The following ATAD2B variants were observed in gnomAD, a reference collection of about 807,000 sequenced individuals.
ATAD2B encodes the protein ATPase family AAA domain-containing protein 2B.
A neutral mutation model predicts 167.6 loss-of-function variants in ATAD2B; 40 were observed. That is an observed-to-expected ratio of 0.24 (90% CI 0.19 to 0.31). ATAD2B has a LOEUF of 0.31. Ranked by LOEUF, ATAD2B falls within the 10% of genes least tolerant of loss-of-function variation. The pLI, the probability that ATAD2B is intolerant of heterozygous loss-of-function variation, is 1.00. For synonymous variants in ATAD2B, 579 were observed against 596.5 expected, an observed-to-expected ratio of 0.97 and a Z score of 0.43; for missense variants, 1,242 against 1,757.2, an observed-to-expected ratio of 0.71 and a Z score of 5.24.
chr2:23,809,468 T>TTAGATAATTTCAGTTAG (rs1430426285), intron 18 of ATAD2B, among the ~76,000 whole-genome samples: 1 of 152,096 alleles, frequency 6.6e-6, no homozygotes, highest in African/African-American at 2.4e-5. Context: ...ATAATTACAG[T>TTAGATAATTTCAGTTAG]ATATGTGTTA....
Position 23,927,061 on chromosome 2 carries a change from T to G in ATAD2B, c.-291A>C. The stretch of plus-strand genomic sequence containing the variant: ...GAGCGGAGCCGCCATTTCTACCCCT[T>G]TCTCTCCCGTTCTCGCTCTCGAGCT... On this transcript the variant is annotated 5_prime_UTR_variant, in exon 1 of 28. Coordinates refer to ENST00000238789, the MANE Select transcript of ATAD2B (RefSeq NM_017552.4). 2.7e-6 allele frequency: 1 copy of G among 374,280 alleles called. No individual in the cohort carries two copies. The highest frequency in any genetic ancestry group is 4.7e-5 in the East Asian group (1 of 21,394). The allele number at this position is 374,280 out of a possible 1,614,324, so 23.2% of individuals were successfully genotyped here.
rs1675317675 is a variant in ATAD2B at position 23,751,217 on chromosome 2, T to C, written c.*829A>G. The C allele has an allele frequency of 1.3e-5, 2 of 152,102 alleles. No homozygotes were observed. Among genetic ancestry groups the C allele is most frequent in the African/African-American group, 2.4e-5 (1 of 41,442 alleles). The allele number at this position is 152,102 out of a possible 1,614,324, so 9.4% of individuals were successfully genotyped here. On this transcript the variant is annotated 3_prime_UTR_variant, in exon 28 of 28. Coordinates refer to ENST00000238789, the MANE Select transcript of ATAD2B (RefSeq NM_017552.4). ...TTTTTTGTGTGTGGACTGTGTATTA[T>C]TCTTTGTTGTTATTCATGTTTCTTA...
chr2:23,899,006 G>T (rs1291592847), intron 1 of ATAD2B, among the ~76,000 whole-genome samples: 1 of 152,126 alleles, frequency 6.6e-6, no homozygotes, highest in Non-Finnish European at 1.5e-5. Context: ...AAATTAGCCA[G>T]GCATGGTGGC....
At chr2:23,925,736 C>T (rs1490777135) in intron 1 of ATAD2B, among the ~76,000 whole-genome samples, 1 of 152,194 alleles carries the variant, frequency 6.6e-6, no homozygotes, top group Non-Finnish European at 1.5e-5. Flanking sequence ...CTTTAAATGT[C>T]ATTTTTGCAA....
chr2:23,782,631 A>G (rs949626862), intron 22 of ATAD2B, among the ~76,000 whole-genome samples: 1 of 152,248 alleles, frequency 6.6e-6, no homozygotes, highest in Non-Finnish European at 1.5e-5. Context: ...TACAATGTAA[A>G]TATAAAAAGT....
the ATAD2B span, chr2:23,696,971 G>A: frequency 6.5e-6 from 1 of 153,102 alleles, no homozygotes; most frequent in South Asian, 1.9e-4. This position sits in a 1 kb window ranked among gnomAD's most constrained non-coding sequence, Gnocchi z 5.5. Flanking sequence ...CTGCCAAGCG[G>A]GGGGTCCCAC....
intron 22 of ATAD2B, among the ~76,000 whole-genome samples, chr2:23,768,354 C>A (rs926918944): frequency 6.6e-6 from 1 of 151,870 alleles, no homozygotes; most frequent in Middle Eastern, 3.4e-3. Flanking sequence ...GGCAACATGG[C>A]GAGCCACCGT....
At chr2:23,708,829 T>A in the ATAD2B span, among the ~76,000 whole-genome samples, 42 of 152,322 alleles carry the variant, frequency 2.8e-4, no homozygotes, top group African/African-American at 1.0e-3. Context: ...ACGCTGGCAC[T>A]GGCTCTGAGG....
At chr2:23,842,068 A>C (rs1343279473) in intron 13 of ATAD2B, among the ~76,000 whole-genome samples, 1 of 152,162 alleles carries the variant, frequency 6.6e-6, no homozygotes, top group Non-Finnish European at 1.5e-5. Flanking sequence ...CAATCTGACA[A>C]TCTTTGTCTT....
intron 22 of ATAD2B, among the ~76,000 whole-genome samples, chr2:23,776,810 T>C (rs1265957561): frequency 1.3e-5 from 2 of 152,238 alleles, no homozygotes; most frequent in African/African-American, 2.4e-5. Context: ...TTTGTTATTA[T>C]AATCACCAAT....
chr2:23,702,857 T>G, the ATAD2B span, among the ~76,000 whole-genome samples: 1 of 152,248 alleles, frequency 6.6e-6, no homozygotes, highest in Non-Finnish European at 1.5e-5. Flanking sequence ...CAGTCCAGCA[T>G]TGCGGAATGC....
At chr2:23,701,364 C>T in the ATAD2B span, among the ~76,000 whole-genome samples, 2 of 152,226 alleles carry the variant, frequency 1.3e-5, no homozygotes, top group African/African-American at 4.8e-5. Context: ...CTCCATCCTG[C>T]AGACACAGTG....
At chr2:23,685,056 A>G in the ATAD2B span, among the ~76,000 whole-genome samples, 1 of 152,086 alleles carries the variant, frequency 6.6e-6, no homozygotes, top group African/African-American at 2.4e-5. Flanking sequence ...AGTAGGGGAG[A>G]AGAGACTTGT....
chr2:23,753,094 T>C (rs1051592624), intron 27 of ATAD2B, among the ~76,000 whole-genome samples: 1 of 152,200 alleles, frequency 6.6e-6, no homozygotes, highest in African/African-American at 2.4e-5. Context: ...ACTTGCATTT[T>C]TTCCTTCCCT....
At chr2:23,911,854 A>T (rs1052547264) in intron 1 of ATAD2B, among the ~76,000 whole-genome samples, 10 of 152,006 alleles carry the variant, frequency 6.6e-5, no homozygotes, top group African/African-American at 2.2e-4. Context: ...GCATGCCTGT[A>T]ACCCCAGCTA....
chr2:23,842,633 A>G (rs1289183324), intron 13 of ATAD2B, among the ~76,000 whole-genome samples: 1 of 152,162 alleles, frequency 6.6e-6, no homozygotes, highest in Non-Finnish European at 1.5e-5. Context: ...ACTTTTCAGC[A>G]TAAGAGTCTA....
chr2:23,760,351 T>C (rs1204456657), intron 24 of ATAD2B, among the ~76,000 whole-genome samples: 1 of 152,152 alleles, frequency 6.6e-6, no homozygotes, highest in African/African-American at 2.4e-5. Flanking sequence ...TTAGTATTTG[T>C]GGACCTAATG....
intron 17 of ATAD2B, among the ~76,000 whole-genome samples, chr2:23,815,685 C>A (rs1265017238): frequency 6.6e-6 from 1 of 152,122 alleles, no homozygotes; most frequent in Non-Finnish European, 1.5e-5. Flanking sequence ...TGCCCATTAT[C>A]AATGAGAGGA....
intron 14 of ATAD2B, among the ~76,000 whole-genome samples, chr2:23,833,223 T>C (rs531140869): frequency 6.6e-6 from 1 of 152,328 alleles, no homozygotes; most frequent in East Asian, 1.9e-4. Flanking sequence ...ACTAGGTATG[T>C]AAACCAGGCA....
Sources: allele counts gnomAD v4.1 joint callset (sites outside exome capture counted in the v4.1 genomes callset), GRCh38; gene constraint gnomAD v4.1.1; non-coding constraint Gnocchi (gnomAD v3.1); transcripts MANE v1.5; gene names NCBI Gene and HGNC (gene_info 2026-07-23, HGNC 2026-07-21).